PSD3: variants seen among roughly 807,000 people sequenced by gnomAD.
PSD3 encodes the protein PH and SEC7 domain-containing protein 3.
PSD3 carries 49 observed loss-of-function variants against 105.5 expected under a neutral mutation model. The observed-to-expected ratio is 0.46, with a 90% CI of 0.37 to 0.59. The LOEUF (loss-of-function observed/expected upper bound fraction) is 0.59, where lower values mean the gene tolerates loss of function less well. PSD3 is among the 20% of genes least tolerant of loss of function. PSD3 has a pLI of 0.00. For synonymous variants in PSD3, 557 were observed against 457.8 expected, an observed-to-expected ratio of 1.22 and a Z score of -2.77; for missense variants, 1,561 against 1,263.8, an observed-to-expected ratio of 1.24 and a Z score of -3.57.
At chr8:18,621,618 G>A (rs1806114142) in intron 11 of PSD3, among the ~76,000 whole-genome samples, 1 of 152,150 alleles carries the variant, frequency 6.6e-6, no homozygotes. Flanking sequence ...AGAGTCACGT[G>A]ACAAGGTGCT....
In PSD3 at chr8:18,529,863, T is replaced by C. The variant is rs1799560557; in HGVS notation, c.*5880A>G. 6.6e-6 allele frequency: 1 copy of C among 152,502 alleles called. No homozygotes were observed. The highest frequency in any genetic ancestry group is 1.5e-5 in the Non-Finnish European group (1 of 68,044). The allele number at this position is 152,502 out of a possible 1,614,324, so 9.4% of individuals were successfully genotyped here. ...GATCACAATAATTCTTAGAAGGAAA[T>C]ACTCTCGCAAAACTAAGACCCTGCC... On this transcript the variant is annotated 3_prime_UTR_variant, in exon 16 of 16. Coordinates refer to ENST00000327040, the MANE Select transcript of PSD3 (RefSeq NM_015310.4).
At chr8:18,587,862 C>G (rs1157083880) in intron 12 of PSD3, among the ~76,000 whole-genome samples, 1 of 152,180 alleles carries the variant, frequency 6.6e-6, no homozygotes, top group Non-Finnish European at 1.5e-5. Context: ...AAAACCCAAA[C>G]TGTATAAACC....
At chr8:18,595,561 C>A (rs572956143) in intron 12 of PSD3, among the ~76,000 whole-genome samples, 2 of 151,140 alleles carry the variant, frequency 1.3e-5, no homozygotes, top group South Asian at 2.1e-4. Flanking sequence ...TAAAGACACA[C>A]ACACCTGAAC....
chr8:19,008,321 T>C (rs1442033943), intron 1 of PSD3, among the ~76,000 whole-genome samples: 2 of 152,218 alleles, frequency 1.3e-5, no homozygotes, highest in African/African-American at 4.8e-5. Flanking sequence ...ACTCACTACT[T>C]GCACCTTGTA....
intron 1 of PSD3, among the ~76,000 whole-genome samples, chr8:18,942,914 T>A (rs1822641421): frequency 6.6e-6 from 1 of 152,220 alleles, no homozygotes; most frequent in Admixed American, 6.5e-5. Flanking sequence ...GCCCCTGCTA[T>A]TCCCTTTTAA....
intron 1 of PSD3, among the ~76,000 whole-genome samples, chr8:18,949,244 A>AAAAAAAATATAT: frequency 6.9e-5 from 1 of 14,408 alleles, no homozygotes; most frequent in African/African-American, 1.5e-4. Flanking sequence ...AAAAAAAAAA[A>AAAAAAAATATAT]ATATATATAT....
At chr8:18,887,928 G>C (rs1818543649) in intron 2 of PSD3, among the ~76,000 whole-genome samples, 1 of 152,126 alleles carries the variant, frequency 6.6e-6, no homozygotes, top group Non-Finnish European at 1.5e-5. Flanking sequence ...CTGTGGGATG[G>C]CTACTATGAT....
intron 9 of PSD3, among the ~76,000 whole-genome samples, chr8:18,721,528 T>C (rs1802972370): frequency 6.6e-6 from 1 of 152,176 alleles, no homozygotes. Flanking sequence ...GAGACAATAA[T>C]GCAATGTCTC....
intron 9 of PSD3, among the ~76,000 whole-genome samples, chr8:18,752,221 C>G (rs1480031939): frequency 6.6e-6 from 1 of 151,070 alleles, no homozygotes; most frequent in African/African-American, 2.4e-5. Context: ...ATTAACAATT[C>G]TACATACAAT....
intron 9 of PSD3, among the ~76,000 whole-genome samples, chr8:18,702,706 G>A (rs1801659997): frequency 1.3e-5 from 2 of 151,276 alleles, no homozygotes; most frequent in South Asian, 4.2e-4. Flanking sequence ...TCCGGCTCCC[G>A]GGTTCACACC....
Position 19,046,871 on chromosome 8 carries a change from T to C in PSD3, c.324+37335A>G, listed in dbSNP as rs1828336737. ...TTGTCCTGCAGTGAAAAAAAGGCCT[T>C]AAACTGGGTAGTGACAGCAGCAAAA... On this transcript the variant is annotated intron_variant, in intron 1 of 1. Transcript: ENST00000521475. 2.6e-5 allele frequency among the ~76,000 whole-genome samples: 4 copies of C among 152,302 alleles called. No individual in the cohort carries two copies. The South Asian group carries it at 8.3e-4, about 32-fold the overall frequency.
intron 9 of PSD3, among the ~76,000 whole-genome samples, chr8:18,760,755 T>C (rs1332510102): frequency 2.6e-5 from 4 of 152,160 alleles, no homozygotes; most frequent in Non-Finnish European, 5.9e-5. Context: ...CACTAGTTGG[T>C]ATCAGCCGCT....
chr8:18,954,238 C>A (rs1823416053), intron 1 of PSD3, among the ~76,000 whole-genome samples: 1 of 151,984 alleles, frequency 6.6e-6, no homozygotes, highest in Non-Finnish European at 1.5e-5. Flanking sequence ...AATAAAAAAC[C>A]AAGATACCTG....
chr8:18,671,874 G>A (rs1302282161), intron 9 of PSD3, among the ~76,000 whole-genome samples: 2 of 152,002 alleles, frequency 1.3e-5, no homozygotes, highest in East Asian at 1.9e-4. Context: ...CTTGTTATCC[G>A]CCCGCCTTGG....
At chr8:18,583,871 T>C (rs147794498) in intron 12 of PSD3, among the ~76,000 whole-genome samples, 19 of 152,160 alleles carry the variant, frequency 1.2e-4, no homozygotes, top group African/African-American at 2.7e-4. Context: ...ATCTCTAGTA[T>C]ACAACATTCT....
intron 9 of PSD3, among the ~76,000 whole-genome samples, chr8:18,762,732 G>C (rs186218126): frequency 1.3e-3 from 198 of 152,294 alleles, no homozygotes; most frequent in African/African-American, 4.6e-3. Context: ...CTTCAATACA[G>C]TATAAGGCAA....
At chr8:18,944,644 T>C (rs1289594785) in intron 1 of PSD3, among the ~76,000 whole-genome samples, 1 of 152,058 alleles carries the variant, frequency 6.6e-6, no homozygotes, top group Non-Finnish European at 1.5e-5. Context: ...CTTAAACTTT[T>C]TCTCTTAGTA....
chr8:18,638,770 C>T (rs2130791047), intron 10 of PSD3, among the ~76,000 whole-genome samples: 1 of 152,246 alleles, frequency 6.6e-6, no homozygotes, highest in South Asian at 2.1e-4. Context: ...AGAAACTACT[C>T]CAAACAGCCA....
At chr8:18,680,960 T>C (rs184915139) in intron 9 of PSD3, among the ~76,000 whole-genome samples, 1 of 151,990 alleles carries the variant, frequency 6.6e-6, no homozygotes. Flanking sequence ...AGAGAACAAG[T>C]GAGGACTACA....
Sources: gnomAD v4.1 joint callset for allele counts (sites outside exome capture counted in the v4.1 genomes callset) on GRCh38, gnomAD v4.1.1 for gene constraint, MANE v1.5 for transcripts, NCBI Gene and HGNC (gene_info 2026-07-23, HGNC 2026-07-21) for gene names.